The following CDK14 variants were observed in gnomAD, a reference collection of about 807,000 sequenced individuals.
CDK14 encodes cyclin dependent kinase 14.
A neutral mutation model predicts 60.7 loss-of-function variants in CDK14; 34 were observed. The ratio of observed to expected loss-of-function variants is 0.56; its 90% CI spans 0.43 to 0.75. The LOEUF (loss-of-function observed/expected upper bound fraction) is 0.75, where lower values mean the gene tolerates loss of function less well. CDK14 is among the 30% of genes least tolerant of loss of function. CDK14 has a pLI of 0.00. For missense variants in CDK14, 482 were observed against 564.1 expected, an observed-to-expected ratio of 0.85 and a Z score of 1.47; for synonymous variants, 197 against 203.7, an observed-to-expected ratio of 0.97 and a Z score of 0.28.
At chr7:90,713,861 G>A (rs1171920947) in intron 2 of CDK14, among the ~76,000 whole-genome samples, 1 of 151,988 alleles carries the variant, frequency 6.6e-6, no homozygotes, top group African/African-American at 2.4e-5. Context: ...ATTCATGTGT[G>A]CCTCAATGTA....
chr7:90,682,110 G>A (rs4728923), intron 2 of CDK14, among the ~76,000 whole-genome samples: 130,691 of 152,028 alleles, frequency 0.86, 56,474 homozygotes, highest in East Asian at 1. Context: ...TGCACTGAGG[G>A]TGTATTTGAG....
chr7:91,050,375 A>G (rs1023483799), intron 11 of CDK14, among the ~76,000 whole-genome samples: 13 of 152,116 alleles, frequency 8.5e-5, no homozygotes, highest in African/African-American at 2.4e-4. Flanking sequence ...TTCAATTCCT[A>G]TGATTATCCC....
At chr7:90,887,339 T>G (rs1321208925) in intron 6 of CDK14, among the ~76,000 whole-genome samples, 1 of 152,162 alleles carries the variant, frequency 6.6e-6, no homozygotes, top group Non-Finnish European at 1.5e-5. Flanking sequence ...AAATACAGTT[T>G]TACTTAAATC....
At chr7:91,206,629 G>C (rs536888914) in intron 14 of CDK14, among the ~76,000 whole-genome samples, 1 of 152,184 alleles carries the variant, frequency 6.6e-6, no homozygotes, top group East Asian at 1.9e-4. Context: ...TATACAGGAT[G>C]TTGGGAAGAG....
At chr7:90,754,683 C>A (rs1434006208) in intron 4 of CDK14, among the ~76,000 whole-genome samples, 6 of 152,040 alleles carry the variant, frequency 3.9e-5, no homozygotes, top group African/African-American at 1.4e-4. Flanking sequence ...ACAGAGTAAA[C>A]AGAATGGGAG....
intron 2 of CDK14, among the ~76,000 whole-genome samples, chr7:90,690,585 AG>A (rs991633392): frequency 6.6e-6 from 1 of 152,138 alleles, no homozygotes; most frequent in African/African-American, 2.4e-5. Flanking sequence ...TCATCTTAGC[AG>A]GAAGTTTCTT....
chr7:90,845,198 G>A (rs528241962), intron 5 of CDK14, among the ~76,000 whole-genome samples: 11 of 152,124 alleles, frequency 7.2e-5, no homozygotes, highest in African/African-American at 2.4e-4. Context: ...AACATTTATT[G>A]AATGAATGAA....
chr7:90,815,548 C>T (rs926033395), intron 5 of CDK14, among the ~76,000 whole-genome samples: 2 of 152,066 alleles, frequency 1.3e-5, no homozygotes, highest in Non-Finnish European at 2.9e-5. Flanking sequence ...AACATTTGAC[C>T]CAGCAGTCCC....
intron 3 of CDK14, among the ~76,000 whole-genome samples, chr7:90,727,576 A>G (rs1264458259): frequency 2.6e-5 from 4 of 152,122 alleles, no homozygotes; most frequent in African/African-American, 9.7e-5. Flanking sequence ...GGTCAGGGAA[A>G]CCACAAGTAT....
At chr7:91,179,262 C>G (rs968918007) in intron 14 of CDK14, among the ~76,000 whole-genome samples, 1 of 149,280 alleles carries the variant, frequency 6.7e-6, no homozygotes, top group African/African-American at 2.5e-5. Context: ...GAACAAAAAA[C>G]CAAACCCCGC....
intron 4 of CDK14, among the ~76,000 whole-genome samples, chr7:90,753,513 A>G (rs867570282): frequency 6.6e-6 from 1 of 152,194 alleles, no homozygotes; most frequent in Non-Finnish European, 1.5e-5. Context: ...ACCTATGACA[A>G]ACCCACAGCT....
intron 6 of CDK14, among the ~76,000 whole-genome samples, chr7:90,895,787 G>A (rs1302902441): frequency 7.0e-6 from 1 of 142,886 alleles, no homozygotes; most frequent in African/African-American, 2.6e-5. Flanking sequence ...TATTGCTCAG[G>A]CTGGTCTTGA....
intron 2 of CDK14, among the ~76,000 whole-genome samples, chr7:90,617,067 A>T (rs1394182823): frequency 6.6e-6 from 1 of 152,162 alleles, no homozygotes; most frequent in Non-Finnish European, 1.5e-5. Flanking sequence ...AAAAGTAATT[A>T]TGTTCATGGC....
intron 5 of CDK14, among the ~76,000 whole-genome samples, chr7:90,829,744 G>A (rs1789852887): frequency 6.6e-6 from 1 of 152,122 alleles, no homozygotes; most frequent in Non-Finnish European, 1.5e-5. Context: ...TGTTGGTCAG[G>A]CTGGTCTCAA....
intron 9 of CDK14, among the ~76,000 whole-genome samples, chr7:90,975,397 T>C (rs1795039225): frequency 1.3e-5 from 2 of 151,882 alleles, no homozygotes; most frequent in South Asian, 4.1e-4. Context: ...CATAGTGATG[T>C]TTTGATACAT....
chr7:90,962,566 G>C (rs1035377957), intron 9 of CDK14, among the ~76,000 whole-genome samples: 3 of 152,152 alleles, frequency 2.0e-5, no homozygotes, highest in African/African-American at 7.2e-5. Flanking sequence ...TTGTGAGAGA[G>C]AGTATATGTG....
intron 10 of CDK14, among the ~76,000 whole-genome samples, chr7:90,997,081 A>C (rs1168383859): frequency 6.6e-6 from 1 of 152,028 alleles, no homozygotes; most frequent in Non-Finnish European, 1.5e-5. Flanking sequence ...TCACCAGTGA[A>C]TTTTTCTCTG....
chr7:90,790,089 G>A (rs180820156), intron 4 of CDK14, among the ~76,000 whole-genome samples: 1 of 136,294 alleles, frequency 7.3e-6, no homozygotes, highest in African/African-American at 2.8e-5. Flanking sequence ...ACAAAAAAAG[G>A]GGAATTTTTT....
intron 10 of CDK14, among the ~76,000 whole-genome samples, chr7:90,997,136 T>C (rs2115727757): frequency 6.6e-6 from 1 of 152,334 alleles, no homozygotes. Flanking sequence ...GACCTCTTGG[T>C]CTCTTTGCCC....
Sources: gnomAD v4.1 joint callset for allele counts (sites outside exome capture counted in the v4.1 genomes callset) on GRCh38, gnomAD v4.1.1 for gene constraint, MANE v1.5 for transcripts, NCBI Gene and HGNC (gene_info 2026-07-23, HGNC 2026-07-21) for gene names.